Variants in CNTN5 observed in about 807,000 individuals in gnomAD.
CNTN5 encodes the protein contactin 5, also known as contactin-5.
In CNTN5, 77 loss-of-function variants were observed where a neutral mutation model predicts 129.1. That is an observed-to-expected ratio of 0.60 (90% CI 0.50 to 0.72). The LOEUF is 0.72. CNTN5 is among the 30% of genes least tolerant of loss of function. CNTN5 has a pLI of 0.00. For missense variants in CNTN5, 1,478 were observed against 1,328.8 expected, an observed-to-expected ratio of 1.11 and a Z score of -1.75; for synonymous variants, 509 against 465.6, an observed-to-expected ratio of 1.09 and a Z score of -1.20.
intron 3 of CNTN5, among the ~76,000 whole-genome samples, chr11:99,597,706 T>C (rs1950168803): frequency 6.6e-6 from 1 of 152,170 alleles, no homozygotes; most frequent in Non-Finnish European, 1.5e-5. Context: ...GCACATTAAG[T>C]GTTCCTCCAG....
At chr11:100,062,489 C>T (rs139197672) in intron 10 of CNTN5, among the ~76,000 whole-genome samples, 2 of 152,176 alleles carry the variant, frequency 1.3e-5, no homozygotes, top group East Asian at 1.9e-4. Flanking sequence ...TTAAGTGCCT[C>T]GTACTGCTCT....
At chr11:99,324,410 A>G (rs1459249182) in intron 1 of CNTN5, among the ~76,000 whole-genome samples, 1 of 152,186 alleles carries the variant, frequency 6.6e-6, no homozygotes, top group African/African-American at 2.4e-5. Context: ...AAAAACAGTA[A>G]AATATTTGTC....
chr11:100,309,631 T>C (rs1591502228), intron 21 of CNTN5: 1 of 984,064 alleles, frequency 1.0e-6, no homozygotes, highest in Non-Finnish European at 1.2e-6. Flanking sequence ...TTGTTCATCA[T>C]TAAATCTCAG....
intron 3 of CNTN5, among the ~76,000 whole-genome samples, chr11:99,557,913 G>T (rs1345357437): frequency 6.6e-6 from 1 of 151,428 alleles, no homozygotes; most frequent in Non-Finnish European, 1.5e-5. Flanking sequence ...CCTTTTTATT[G>T]CAATACTAGT....
At chr11:99,894,210 G>C (rs1254920787) in intron 6 of CNTN5, among the ~76,000 whole-genome samples, 1 of 152,030 alleles carries the variant, frequency 6.6e-6, no homozygotes, top group African/African-American at 2.4e-5. Context: ...TTTCAACCTG[G>C]TGCTTCATTT....
At chr11:99,766,946 C>T (rs1488721924) in intron 3 of CNTN5, among the ~76,000 whole-genome samples, 2 of 151,990 alleles carry the variant, frequency 1.3e-5, no homozygotes, top group African/African-American at 2.4e-5. Context: ...TCTTAATCTT[C>T]AGATATTTGC....
At chr11:99,210,579 C>A (rs760601042) in intron 1 of CNTN5, among the ~76,000 whole-genome samples, 1 of 151,944 alleles carries the variant, frequency 6.6e-6, no homozygotes, top group South Asian at 2.1e-4. Context: ...ACTTTGTCTC[C>A]GATTTCACAT....
At chr11:99,060,238 C>G (rs1864817978) in intron 1 of CNTN5, among the ~76,000 whole-genome samples, 1 of 151,766 alleles carries the variant, frequency 6.6e-6, no homozygotes, top group African/African-American at 2.4e-5. Context: ...AACAGTAAGT[C>G]TAATACTAGG....
At chr11:100,340,173 T>C (rs11223707) in intron 21 of CNTN5, among the ~76,000 whole-genome samples, 10,006 of 152,242 alleles carry the variant, frequency 0.066, 455 homozygotes, top group African/African-American at 0.13. Context: ...ATGATTCTTC[T>C]TTAATGTCAG....
intron 1 of CNTN5, among the ~76,000 whole-genome samples, chr11:99,047,043 T>C (rs1468879060): frequency 1.3e-5 from 2 of 151,980 alleles, no homozygotes; most frequent in Non-Finnish European, 2.9e-5. Context: ...ACAGTATAAT[T>C]CTGCTGTGTC....
At chr11:99,830,711 C>G (rs1006276732) in intron 4 of CNTN5, among the ~76,000 whole-genome samples, 1 of 152,106 alleles carries the variant, frequency 6.6e-6, no homozygotes, top group Non-Finnish European at 1.5e-5. Context: ...GACCATTCAT[C>G]AAAACTTTAT....
chr11:99,436,789 C>A (rs10893324), intron 2 of CNTN5, among the ~76,000 whole-genome samples: 26,299 of 152,124 alleles, frequency 0.17, 2,572 homozygotes, highest in Admixed American at 0.23. Context: ...ACACTATTTT[C>A]TTTGCCATTT....
At chr11:100,074,601 T>C (rs1944054550) in intron 13 of CNTN5, among the ~76,000 whole-genome samples, 1 of 152,166 alleles carries the variant, frequency 6.6e-6, no homozygotes, top group South Asian at 2.1e-4. Context: ...ATTTAGGAGG[T>C]CTACAAATCA....
chr11:100,088,158 A>C (rs1160788192), intron 13 of CNTN5, among the ~76,000 whole-genome samples: 1 of 152,030 alleles, frequency 6.6e-6, no homozygotes, highest in Non-Finnish European at 1.5e-5. Context: ...ACAGACATAC[A>C]TAAAATCCTC....
intron 1 of CNTN5, among the ~76,000 whole-genome samples, chr11:99,180,327 A>G (rs953671736): frequency 6.6e-6 from 1 of 152,170 alleles, no homozygotes; most frequent in African/African-American, 2.4e-5. Flanking sequence ...CTGGGAAGCA[A>G]CAGTCTCGGC....
intron 6 of CNTN5, among the ~76,000 whole-genome samples, chr11:99,898,146 A>G (rs1348820460): frequency 6.6e-6 from 1 of 151,466 alleles, no homozygotes; most frequent in Non-Finnish European, 1.5e-5. Context: ...TGGAAATGTA[A>G]TGCTGCATCT....
At chr11:100,255,454 A>G (rs1950046757) in intron 16 of CNTN5, among the ~76,000 whole-genome samples, 1 of 152,044 alleles carries the variant, frequency 6.6e-6, no homozygotes, top group African/African-American at 2.4e-5. Flanking sequence ...GCTGCATTTG[A>G]TACTGGCATT....
At chr11:99,209,720 T>TAATGAATAGACAGTA (rs1288447606) in intron 1 of CNTN5, among the ~76,000 whole-genome samples, 1 of 152,128 alleles carries the variant, frequency 6.6e-6, no homozygotes, top group African/African-American at 2.4e-5. Context: ...GAATGAATAG[T>TAATGAATAGACAGTA]AATGAATAGA....
At chr11:99,608,678 G>GT (rs1950506501) in intron 3 of CNTN5, among the ~76,000 whole-genome samples, 1 of 152,186 alleles carries the variant, frequency 6.6e-6, no homozygotes, top group African/African-American at 2.4e-5. Flanking sequence ...CTCCAGAACT[G>GT]TGAGATGCTA....
Sources: allele counts gnomAD v4.1 joint callset (sites outside exome capture counted in the v4.1 genomes callset), GRCh38; gene constraint gnomAD v4.1.1; transcripts MANE v1.5; gene names NCBI Gene and HGNC (gene_info 2026-07-23, HGNC 2026-07-21).